Variants in KIAA1958 observed in about 807,000 individuals in gnomAD.
The protein encoded by KIAA1958 is KIAA1958, also known as uncharacterized protein KIAA1958.
KIAA1958 carries 14 observed loss-of-function variants against 47.2 expected under a neutral mutation model. That is an observed-to-expected ratio of 0.30 (90% CI 0.20 to 0.46). The LOEUF (loss-of-function observed/expected upper bound fraction) is 0.46. Ranked by LOEUF, KIAA1958 falls within the 20% of genes least tolerant of loss-of-function variation. KIAA1958 has a pLI of 1.00. For synonymous variants in KIAA1958, 354 were observed against 353.3 expected, an observed-to-expected ratio of 1.00 and a Z score of -0.02; for missense variants, 803 against 909.2, an observed-to-expected ratio of 0.88 and a Z score of 1.50.
chr9:112,535,936 TTTTC>T (rs1422932573), intron 1 of KIAA1958, among the ~76,000 whole-genome samples: 1 of 152,216 alleles, frequency 6.6e-6, no homozygotes, highest in Non-Finnish European at 1.5e-5. Flanking sequence ...AGTTCTGACT[TTTTC>T]TTCATGGCTC....
chr9:112,632,145 C>T (rs952850257), intron 2 of KIAA1958, among the ~76,000 whole-genome samples: 8 of 152,012 alleles, frequency 5.3e-5, no homozygotes, highest in Non-Finnish European at 2.9e-5. Context: ...TAATCACTAA[C>T]CAATGTGATG....
intron 1 of KIAA1958, among the ~76,000 whole-genome samples, chr9:112,487,630 G>T (rs1368230819): frequency 6.6e-6 from 1 of 152,176 alleles, no homozygotes; most frequent in Non-Finnish European, 1.5e-5. Flanking sequence ...GGTGCGTTTG[G>T]GGCGTGTGTG....
At chr9:112,594,040 T>G (rs1057052231) in intron 2 of KIAA1958, among the ~76,000 whole-genome samples, 1 of 152,018 alleles carries the variant, frequency 6.6e-6, no homozygotes, top group African/African-American at 2.4e-5. Flanking sequence ...ATTTTTATTG[T>G]TTTTTGTAGA....
chr9:112,551,352 T>G (rs1835146726), intron 1 of KIAA1958, among the ~76,000 whole-genome samples: 1 of 152,200 alleles, frequency 6.6e-6, no homozygotes, highest in Non-Finnish European at 1.5e-5. Context: ...ACCTCATATG[T>G]AAGTGGAATC....
intron 1 of KIAA1958, among the ~76,000 whole-genome samples, chr9:112,490,050 A>G (rs1239918923): frequency 1.3e-5 from 2 of 152,220 alleles, no homozygotes; most frequent in African/African-American, 2.4e-5. Context: ...AGGTGTGGAC[A>G]GTGACCTCTC....
intron 1 of KIAA1958, among the ~76,000 whole-genome samples, chr9:112,570,602 G>A (rs1364555606): frequency 6.6e-6 from 1 of 152,188 alleles, no homozygotes; most frequent in Non-Finnish European, 1.5e-5. Context: ...CAGCCCTTTT[G>A]CAAGGGAACA....
chr9:112,608,107 T>A (rs925649201), intron 2 of KIAA1958, among the ~76,000 whole-genome samples: 2 of 152,190 alleles, frequency 1.3e-5, no homozygotes, highest in African/African-American at 4.8e-5. Flanking sequence ...ATTACAAGAC[T>A]GAGACCAAAA....
chr9:112,584,073 A>AG (rs1485971361), intron 2 of KIAA1958, among the ~76,000 whole-genome samples: 4 of 152,108 alleles, frequency 2.6e-5, no homozygotes, highest in Admixed American at 2.0e-4. Context: ...CTTAAAAAAA[A>AG]AAATCTGAGT....
chr9:112,568,539 C>T (rs994086377), intron 1 of KIAA1958, among the ~76,000 whole-genome samples: 1 of 151,976 alleles, frequency 6.6e-6, no homozygotes, highest in African/African-American at 2.4e-5. Context: ...GTTTATACCT[C>T]CAGTTTTGGA....
intron 2 of KIAA1958, among the ~76,000 whole-genome samples, chr9:112,587,613 C>T (rs1297465678): frequency 6.6e-6 from 1 of 152,170 alleles, no homozygotes; most frequent in East Asian, 1.9e-4. Flanking sequence ...TTATGATACA[C>T]CTATCAGTCT....
intron 1 of KIAA1958, among the ~76,000 whole-genome samples, chr9:112,565,239 C>T (rs1032465299): frequency 2.6e-5 from 4 of 152,194 alleles, no homozygotes; most frequent in African/African-American, 9.7e-5. Context: ...CTAAACTCCA[C>T]CAGCTAGAAC....
At chr9:112,577,810 G>A (rs1711754) in intron 2 of KIAA1958, among the ~76,000 whole-genome samples, 45,530 of 151,106 alleles carry the variant, frequency 0.3, 7,159 homozygotes, top group Middle Eastern at 0.4. Context: ...ATTATTGTGT[G>A]TATTACATTC....
At position 112,624,418 on chromosome 9, in the gene KIAA1958, A is replaced by G. The variant is rs28680381; in HGVS notation, c.1172-21232A>G. Among the ~76,000 whole-genome samples, 8 of 152,316 alleles carry G rather than the reference A, an allele frequency of 5.3e-5. No homozygotes were observed. The South Asian group carries it at 1.5e-3, about 28-fold the overall frequency. On this transcript the variant is annotated intron_variant, in intron 2 of 3. Transcript: ENST00000337530. ...TGAGTGCATAGCCTTTCATAAAGCA[A>G]AGTGATGAAGCTAGGATAATTTTAG...
intron 1 of KIAA1958, among the ~76,000 whole-genome samples, chr9:112,513,545 TCG>T (rs1418637411): frequency 2.7e-3 from 296 of 107,840 alleles, no homozygotes; most frequent in Non-Finnish European, 4.1e-3. Flanking sequence ...GCCGGGACAG[TCG>T]CGGCGCTGAC....
intron 3 of KIAA1958, among the ~76,000 whole-genome samples, chr9:112,652,412 G>A (rs527730427): frequency 6.6e-6 from 1 of 152,248 alleles, no homozygotes; most frequent in South Asian, 2.1e-4. Flanking sequence ...AACTAAGGAG[G>A]CAAACAACAC....
chr9:112,514,710 C>T (rs374926010), intron 1 of KIAA1958, among the ~76,000 whole-genome samples: 2 of 5,806 alleles, frequency 3.4e-4, no homozygotes, highest in East Asian at 2.0e-3. Context: ...CCAGCCGCCC[C>T]GTCTGGGAGG....
At chr9:112,532,616 G>C (rs1388473695) in intron 1 of KIAA1958, among the ~76,000 whole-genome samples, 3 of 152,168 alleles carry the variant, frequency 2.0e-5, no homozygotes, top group African/African-American at 7.2e-5. Context: ...CACAGCACTG[G>C]TAGTCCAGCT....
chr9:112,564,780 A>G (rs1054501735), intron 1 of KIAA1958, among the ~76,000 whole-genome samples: 1 of 152,244 alleles, frequency 6.6e-6, no homozygotes, highest in African/African-American at 2.4e-5. Flanking sequence ...ACATTAATTT[A>G]TAGGGAACCA....
intron 1 of KIAA1958, among the ~76,000 whole-genome samples, chr9:112,563,065 GTCTC>G (rs1554724186): frequency 3.2e-5 from 4 of 126,624 alleles, no homozygotes; most frequent in Admixed American, 8.4e-5. Context: ...CTCTGTCTCT[GTCTC>G]TCTCTCTCTC....
Sources: allele counts gnomAD v4.1 joint callset (sites outside exome capture counted in the v4.1 genomes callset), GRCh38; gene constraint gnomAD v4.1.1; transcripts MANE v1.5; gene names NCBI Gene and HGNC (gene_info 2026-07-23, HGNC 2026-07-21).